Variants in TTN observed in about 807,000 individuals in gnomAD.
TTN encodes the protein titin.
A neutral mutation model predicts 3,223.0 loss-of-function variants in TTN; 1,525 were observed. That is an observed-to-expected ratio of 0.47 (90% CI 0.45 to 0.49). The LOEUF (loss-of-function observed/expected upper bound fraction) is 0.49. Ranked by LOEUF, TTN falls within the 20% of genes least tolerant of loss-of-function variation. The probability of loss-of-function intolerance (pLI) is 0.00; values close to 1 mark genes in which losing one functional copy is unlikely to be tolerated. For synonymous variants in TTN, 14,094 were observed against 15,161.0 expected, an observed-to-expected ratio of 0.93 and a Z score of 5.17; for missense variants, 40,786 against 43,424.0, an observed-to-expected ratio of 0.94 and a Z score of 5.40.
chr2:178,771,139 C>G (rs72647882), intron 34 of TTN, 72 bp downstream of exon 34: 48 of 1,606,450 alleles, frequency 3.0e-5, no homozygotes, highest in Non-Finnish European at 3.9e-5. Flanking sequence ...ATGGCCATAT[C>G]GTTTGTCTTT....
At chr2:178,619,053 T>C in intron 250 of TTN, 200 bp from the exon 251 acceptor site, 1 of 686,790 alleles carries the variant, frequency 1.5e-6, no homozygotes, top group Non-Finnish European at 2.3e-6. Context: ...GATTGGAGAG[T>C]AGAGGATTGA....
At chr2:178,737,741 T>C (rs1038025761) in intron 49 of TTN, among the ~76,000 whole-genome samples, 4 of 152,212 alleles carry the variant, frequency 2.6e-5, no homozygotes, top group Admixed American at 1.3e-4. Context: ...TAATTGGTTA[T>C]TTGATTTAAA....
Position 178,565,427 on chromosome 2 carries a change from G to A in TTN, c.80705C>T (p.Pro26902Leu), listed in dbSNP as rs1287537055. 1.2e-6 allele frequency: 2 copies of A among 1,613,162 alleles called. No homozygotes were observed. The highest frequency in any genetic ancestry group is 1.7e-6 in the Non-Finnish European group (2 of 1,179,608). Residue 26902 changes from proline (P) to leucine (L), a missense_variant, in exon 326 of 363, where the codon CCA becomes CTA. By Grantham distance (98) the Pro-to-Leu change is moderately conservative. Coordinates refer to ENST00000589042, the MANE Select transcript of TTN (RefSeq NM_001267550.2). ...QAGEDLKIEIPVIGRPRPNIS... is the reference protein window; with the variant it reads ...QAGEDLKIEILVIGRPRPNIS... The stretch of plus-strand genomic sequence containing the variant: ...GTTAGGTCTTGGTCGGCCTATAACT[G>A]GAATTTCTATTTTAAGATCTTCTCC...
rs753944644 is a variant in TTN, at chr2:178,739,630, C to A, written c.13603G>T (p.Val4535Phe). Residue 4535 changes from valine to phenylalanine, a missense_variant, in exon 48 of 363, where the codon GTC becomes TTC. Coordinates refer to ENST00000589042, the MANE Select transcript of TTN (RefSeq NM_001267550.2). The stretch of plus-strand genomic sequence containing the variant: ...CTACTTTGCACGTTAAAATAACTGA[C>A]CTCTTCAGTTGAGATCAGATATTTA... ...ESKYLISTEE[V>F]SYFNVQSRVK... The A allele has an allele frequency of 3.5e-5, 57 of 1,613,748 alleles. No individual in the cohort carries two copies. The South Asian group carries it at 5.9e-4, about 17-fold the overall frequency.
In TTN at chr2:178,535,308, A is replaced by G; in HGVS notation, c.101307T>C (p.Gly33769=). 4 of 1,613,828 alleles carry G rather than the reference A, an allele frequency of 2.5e-6. No individual in the cohort carries two copies. Among genetic ancestry groups the G allele is most frequent in the Non-Finnish European group, 3.4e-6 (4 of 1,179,826 alleles). The change falls in exon 358 of 363, where the codon GGT becomes GGC. Residue 33769 remains glycine (G), a synonymous_variant. Transcript: ENST00000589042. ...CTGAAGGCTCTGAAGGCTTGCTCAG[A>G]CCAAATTTATTTTCAGCTATTACCC... ...QFRVIAENKF[G]LSKPSEPSEP...
At chr2:178,596,245 C>A (rs2051588863) in intron 294 of TTN, among the ~76,000 whole-genome samples, 1 of 152,044 alleles carries the variant, frequency 6.6e-6, no homozygotes, top group Non-Finnish European at 1.5e-5. Context: ...CCTGCCTTGG[C>A]CTCCCAAAGT....
At chr2:178,747,225 G>T in intron 47 of TTN, 1 of 1,612,530 alleles carries the variant, frequency 6.2e-7, no homozygotes, top group Non-Finnish European at 8.5e-7. Flanking sequence ...TATCTCTCTA[G>T]TGTCTCCCCT....
chr2:178,552,584 T>C lies in TTN; in HGVS notation c.90316A>G (p.Lys30106Glu). The part of the protein sequence containing the change: ...QSVLEFRVFA[K>E]NEKGLSDPVT... ...GGATCACTCAGTCCTTTCTCATTTT[T>C]GGCAAACACTCTGAACTCCAGGACT... Residue 30106 changes from lysine (K) to glutamate (E), a missense_variant, in exon 335 of 363, where the codon AAA becomes GAA. By Grantham distance (56) the Lys-to-Glu change is moderately conservative (BLOSUM62 1). Transcript: ENST00000589042. The C allele has an allele frequency of 6.2e-7, 1 of 1,613,858 alleles. No individual in the cohort carries two copies. The highest frequency in any genetic ancestry group is 2.2e-5 in the East Asian group (1 of 44,830).
chr2:178,578,619 G>A lies in TTN; in HGVS notation c.68321C>T (p.Pro22774Leu), dbSNP rs886042240. The A allele has an allele frequency of 6.2e-7, 1 of 1,609,608 alleles. No homozygotes were observed. Residue 22774 changes from proline to leucine, a missense_variant, in exon 321 of 363, where the codon CCA becomes CTA. Transcript: ENST00000589042. ...WTDPKKTGGS[P>L]ITGYHLEFKE... ...AAGAACAAACAAAATACCTGTAATT[G>A]GAGAACCACCAGTTTTCTTGGGGTC... is the stretch of plus-strand genomic sequence containing the variant.
intron 47 of TTN, chr2:178,749,742 C>T: frequency 6.2e-7 from 1 of 1,612,968 alleles, no homozygotes; most frequent in Non-Finnish European, 8.5e-7. Context: ...GAATTAACAT[C>T]CTTAATATAT....
In TTN at chr2:178,769,849, G is replaced by C. The variant is rs770166191; in HGVS notation, c.8732C>G (p.Pro2911Arg). Residue 2911 changes from proline to arginine, a missense_variant, in exon 37 of 363, where the codon CCT becomes CGT. Physicochemically the swap from Pro to Arg is moderately radical, Grantham distance 103. Transcript: ENST00000589042. ...CACACCATTCTTCAGCCACATGGAA[G>C]GGACATTGAAGTGGGACACCTCACA... ...FECEVSHFNV[P>R]SMWLKNGVEI... The C allele has an allele frequency of 6.2e-7, 1 of 1,614,060 alleles. No homozygotes were observed. The highest frequency in any genetic ancestry group is 8.5e-7 in the Non-Finnish European group (1 of 1,179,996).
Position 178,771,223 on chromosome 2 carries a change from G to C in TTN, c.8104C>G (p.Leu2702Val). Residue 2702 changes from leucine to valine, a missense_variant, in exon 34 of 363, where the codon CTC becomes GTC. Transcript: ENST00000589042. Reference sequence around the variant, plus strand: ...CTATGTTACTTGCCTTCAACTTTGAGTTTGGCAGATGTTTTGGAGGTGGCC... The same window carrying C: ...CTATGTTACTTGCCTTCAACTTTGACTTTGGCAGATGTTTTGGAGGTGGCC... ...KVATSKTSAK[L>V]KVEAVKIKKT... 1 of 1,614,046 alleles carries C rather than the reference G, an allele frequency of 6.2e-7. No homozygotes were observed.
At position 178,673,628 on chromosome 2, in the gene TTN, T is replaced by C; in HGVS notation, c.34786+5A>G. 1 of 1,575,342 alleles carries C rather than the reference T, an allele frequency of 6.3e-7. No individual in the cohort carries two copies. The highest frequency in any genetic ancestry group is 8.6e-7 in the Non-Finnish European group (1 of 1,166,036). On this transcript the variant is annotated splice_donor_5th_base_variant and intron_variant, in intron 152 of 362. Transcript: ENST00000589042. ...AAAGATATTAATAATGAGGATTTGATATACCTTTAGCTGGTGGTGCCTCCA... is the reference window on the plus strand; with the variant it reads ...AAAGATATTAATAATGAGGATTTGACATACCTTTAGCTGGTGGTGCCTCCA...
intron 196 of TTN, 53 bp from the exon 197 acceptor site, chr2:178,653,560 AAT>A: frequency 8.6e-7 from 1 of 1,168,754 alleles, no homozygotes; most frequent in South Asian, 1.6e-5. Flanking sequence ...AATGGAGTAA[AAT>A]ATTTCTAAGA....
chr2:178,704,028 G>T, intron 106 of TTN, 119 bp downstream of exon 106: 1 of 1,299,932 alleles, frequency 7.7e-7, no homozygotes, highest in South Asian at 1.6e-5. Context: ...ACGTGTGTTG[G>T]GAAATAAGAA....
rs768594716 is a variant in TTN, at chr2:178,542,562, G to A, written c.97194C>T (p.Asp32398=). The change falls in exon 349 of 363, where the codon GAC becomes GAT. Residue 32398 remains aspartate (D), a splice_region_variant and synonymous_variant. Transcript: ENST00000589042. The part of the protein sequence containing the change: ...TSETIKVIIL[D]KPGPPTGPIK... ...TAGGTCCTGTTGGTGGACCAGGCTTGTCTATGAAAGAGAAGAAATACAGGA... is the reference window on the plus strand; with the variant it reads ...TAGGTCCTGTTGGTGGACCAGGCTTATCTATGAAAGAGAAGAAATACAGGA... 5.0e-6 allele frequency: 8 copies of A among 1,597,260 alleles called. No individual in the cohort carries two copies. Among genetic ancestry groups the A allele is most frequent in the Non-Finnish European group, 6.8e-6 (8 of 1,168,888 alleles).
In TTN at chr2:178,706,557, C is replaced by A; in HGVS notation, c.29317G>T (p.Ala9773Ser). The A allele has an allele frequency of 6.2e-7, 1 of 1,613,884 alleles. No individual in the cohort carries two copies. Among genetic ancestry groups the A allele is most frequent in the Non-Finnish European group, 8.5e-7 (1 of 1,179,834 alleles). Residue 9773 changes from alanine to serine, a missense_variant, in exon 102 of 363, where the codon GCA becomes TCA. Coordinates refer to ENST00000589042, the MANE Select transcript of TTN (RefSeq NM_001267550.2). ...TCAATTTCACCATGTTCGTTAAATG[C>A]CACGCATCGGTATAACCCAGAATCA... Reference protein sequence around the residue: ...KTDSGLYRCVAFNEHGEIESN... With the variant: ...KTDSGLYRCVSFNEHGEIESN...
chr2:178,658,509 G>C lies in TTN; in HGVS notation c.37586C>G (p.Ser12529Cys). The C allele has an allele frequency of 4.6e-6, 6 of 1,291,996 alleles. No homozygotes were observed. The highest frequency in any genetic ancestry group is 6.3e-6 in the Non-Finnish European group (6 of 958,126). The allele number at this position is 1,291,996 out of a possible 1,614,324, so 80.0% of individuals were successfully genotyped here. Residue 12529 changes from serine (S) to cysteine (C), a missense_variant, in exon 184 of 363, where the codon TCT (serine) becomes TGT (cysteine). By Grantham distance (112) the Ser-to-Cys change is moderately radical. Coordinates refer to ENST00000589042, the MANE Select transcript of TTN (RefSeq NM_001267550.2). The stretch of plus-strand genomic sequence containing the variant: ...TTCCGGTTTTTTGGGCACAGCCACA[G>C]ATGCTTTCTTTTCAAGTACAACTTC... ...PKEVVLEKKASVAVPKKPEAP... is the reference protein window; with the variant it reads ...PKEVVLEKKACVAVPKKPEAP...
intron 118 of TTN, 61 bp downstream of exon 118, chr2:178,693,861 G>A (rs1367851189): frequency 6.2e-6 from 9 of 1,444,134 alleles, no homozygotes; most frequent in Middle Eastern, 1.7e-4. Context: ...GACAACAAGA[G>A]GGATAAAAAT....
Sources: allele counts gnomAD v4.1 joint callset (sites outside exome capture counted in the v4.1 genomes callset), GRCh38; gene constraint gnomAD v4.1.1; transcripts MANE v1.5; gene names NCBI Gene and HGNC (gene_info 2026-07-23, HGNC 2026-07-21).